CACNA1B: variants seen among roughly 807,000 people sequenced by gnomAD.
CACNA1B encodes calcium voltage-gated channel subunit alpha1 B, also known as voltage-dependent N-type calcium channel subunit alpha-1B.
In CACNA1B, 70 loss-of-function variants were observed where a neutral mutation model predicts 247.2. The ratio of observed to expected loss-of-function variants is 0.28; its 90% confidence interval spans 0.23 to 0.35. The LOEUF (loss-of-function observed/expected upper bound fraction) is 0.35, where lower values mean the gene tolerates loss of function less well. CACNA1B is among the 10% of genes least tolerant of loss of function. The pLI, the probability that CACNA1B is intolerant of heterozygous loss-of-function variation, is 1.00. For missense variants in CACNA1B, 2,367 were observed against 3,197.4 expected (o/e 0.74, Z 6.26); for synonymous variants, 1,231 against 1,294.4 (o/e 0.95, Z 1.05).
intron 20 of CACNA1B, among the ~76,000 whole-genome samples, chr9:138,029,609 CTT>C (rs11320503): frequency 0.026 from 2,995 of 115,806 alleles, 91 homozygotes; most frequent in African/African-American, 0.085. Flanking sequence ...TTTTCTTTTC[CTT>C]TTTTTTTTTT....
At chr9:138,021,885 G>A (rs2133435563) in intron 18 of CACNA1B, among the ~76,000 whole-genome samples, 1 of 152,344 alleles carries the variant, frequency 6.6e-6, no homozygotes, top group South Asian at 2.1e-4. Context: ...TGCCGCCAAG[G>A]CCATCCAGCA....
Position 138,051,475 on chromosome 9 carries a change from C to T in CACNA1B, c.3711-617C>T, listed in dbSNP as rs1402662985. 6.8e-6 allele frequency among the ~76,000 whole-genome samples: 1 copy of T among 147,124 alleles called. No homozygotes were observed. Among genetic ancestry groups the T allele is most frequent in the Non-Finnish European group, 1.5e-5 (1 of 66,818 alleles). ...GCTCTCCCTCCCTCCCTCCCTCCCTCCTTCCCTCCCTCTCCCCTTGTTTGT... is the reference window on the plus strand; with the variant it reads ...GCTCTCCCTCCCTCCCTCCCTCCCTTCTTCCCTCCCTCTCCCCTTGTTTGT... On this transcript the variant is annotated intron_variant, in intron 24 of 46. Coordinates refer to ENST00000371372, the MANE Select transcript of CACNA1B (RefSeq NM_000718.4). The surrounding 1 kb of genome is among the most constrained non-coding windows in gnomAD (Gnocchi z 4.3).
intron 21 of CACNA1B, 142 bp from the exon 22 acceptor site, chr9:138,046,762 C>T (rs1959189046): frequency 1.4e-6 from 1 of 738,376 alleles, no homozygotes; most frequent in Non-Finnish European, 2.2e-6. Context: ...CCACAGGGAC[C>T]ATTAGCAAAG....
At chr9:138,105,314 A>G (rs891909556) in intron 38 of CACNA1B, among the ~76,000 whole-genome samples, 1 of 152,174 alleles carries the variant, frequency 6.6e-6, no homozygotes, top group African/African-American at 2.4e-5. Context: ...TGGGCAGAGC[A>G]ATGAGCACAG....
chr9:138,082,836 C>A (rs897227470), intron 36 of CACNA1B, among the ~76,000 whole-genome samples: 1 of 150,996 alleles, frequency 6.6e-6, no homozygotes, highest in Non-Finnish European at 1.5e-5. Flanking sequence ...GAGGGAGAGT[C>A]TCGGAGTACA....
At position 137,899,979 on chromosome 9, in the gene CACNA1B, A is replaced by G. The variant is rs1957214246; in HGVS notation, c.531-13201A>G. Among the ~76,000 whole-genome samples the G allele has an allele frequency of 6.6e-6, 1 of 152,168 alleles. No homozygotes were observed. The highest frequency in any genetic ancestry group is 1.5e-5 in the Non-Finnish European group (1 of 68,016). On this transcript the variant is annotated intron_variant, in intron 3 of 46. Coordinates refer to ENST00000371372, the MANE Select transcript of CACNA1B (RefSeq NM_000718.4). The surrounding 1 kb of genome is among the most constrained non-coding windows in gnomAD (Gnocchi z 5.0). ...GGGCTGGCCAGCGTGGGCCAGATGC[A>G]TGGGGACAAGGGAGCATCCATAGTT...
In CACNA1B at chr9:137,882,230, C is replaced by T. The variant is rs1956933084; in HGVS notation, c.391-514C>T. 6.6e-6 allele frequency among the ~76,000 whole-genome samples: 1 copy of T among 152,224 alleles called. No homozygotes were observed. The highest frequency in any genetic ancestry group is 6.5e-5 in the Admixed American group (1 of 15,286). On this transcript the variant is annotated intron_variant, in intron 2 of 46. Coordinates refer to ENST00000371372, the MANE Select transcript of CACNA1B (RefSeq NM_000718.4). The surrounding 1 kb of genome is among the most constrained non-coding windows in gnomAD (Gnocchi z 4.0). Reference sequence around the variant, plus strand: ...CCTTGTGCAGGTTCCCACCCAGAGGCTGCTGTGGCCTCTGCCTGGCTCCTG... The same window carrying T: ...CCTTGTGCAGGTTCCCACCCAGAGGTTGCTGTGGCCTCTGCCTGGCTCCTG...
chr9:138,096,894 T>G (rs570232919), intron 37 of CACNA1B, among the ~76,000 whole-genome samples: 2 of 150,562 alleles, frequency 1.3e-5, no homozygotes, highest in East Asian at 3.9e-4. Context: ...CCAGGAGTCA[T>G]GGAAGGTTTT....
chr9:138,056,696 T>C (rs7864329), intron 26 of CACNA1B, among the ~76,000 whole-genome samples: 31,403 of 152,178 alleles, frequency 0.21, 9,479 homozygotes, highest in African/African-American at 0.67. Flanking sequence ...CAGCAATGCA[T>C]GAGGGTTCTG....
chr9:138,046,865 G>C (rs769095312), intron 21 of CACNA1B, 39 bp from the exon 22 acceptor site: 6 of 1,597,170 alleles, frequency 3.8e-6, no homozygotes, highest in Non-Finnish European at 4.3e-6. Flanking sequence ...GGCGCGCCCG[G>C]CTGGGGGGCC....
intron 38 of CACNA1B, 151 bp from the exon 39 acceptor site, chr9:138,105,548 C>T: frequency 5.1e-6 from 3 of 589,370 alleles, no homozygotes; most frequent in Non-Finnish European, 6.2e-6. Context: ...TGGCAAAACT[C>T]CCACCCGCCC....
At chr9:138,017,120 C>T (rs1454597557) in intron 18 of CACNA1B, 1 of 518,952 alleles carries the variant, frequency 1.9e-6, no homozygotes, top group East Asian at 5.4e-5. Context: ...TCTGTCTGTT[C>T]TGTTTTTTGC....
At chr9:137,984,881 G>T (rs1228410519) in intron 13 of CACNA1B, among the ~76,000 whole-genome samples, 1 of 152,264 alleles carries the variant, frequency 6.6e-6, no homozygotes, top group Non-Finnish European at 1.5e-5. Flanking sequence ...TGCAGGTAGT[G>T]AGAGAAGGAC....
intron 6 of CACNA1B, among the ~76,000 whole-genome samples, chr9:137,944,543 G>A (rs1351870672): frequency 1.3e-5 from 2 of 152,066 alleles, no homozygotes; most frequent in Non-Finnish European, 2.9e-5. Context: ...GCTTCCTGGC[G>A]GGCAGCCTCA....
chr9:138,106,873 G>A (rs1961446070), intron 39 of CACNA1B, among the ~76,000 whole-genome samples: 1 of 152,156 alleles, frequency 6.6e-6, no homozygotes, highest in Non-Finnish European at 1.5e-5. Context: ...CATGCTGGGG[G>A]CTCTTCCCAG....
chr9:138,001,319 C>G (rs1371832776), intron 15 of CACNA1B, among the ~76,000 whole-genome samples: 1 of 86,734 alleles, frequency 1.2e-5, no homozygotes, highest in African/African-American at 1.0e-4. Flanking sequence ...ACCCTACAAC[C>G]AGGATGGGTG....
At chr9:137,995,537 G>A (rs1403059292) in intron 15 of CACNA1B, among the ~76,000 whole-genome samples, 1 of 152,192 alleles carries the variant, frequency 6.6e-6, no homozygotes, top group East Asian at 1.9e-4. Flanking sequence ...ATCAACTCAA[G>A]ATGGTCAAAG....
In CACNA1B at chr9:137,933,369, G is replaced by T. The variant is rs892776055; in HGVS notation, c.966+15938G>T. On this transcript the variant is annotated intron_variant, in intron 6 of 46. Coordinates refer to ENST00000371372, the MANE Select transcript of CACNA1B (RefSeq NM_000718.4). Reference sequence around the variant, plus strand: ...TCCGGCACATTGATGACTTTTCAAGGTTCCAAGGACCGGACCAGAATTTTC... The same window carrying T: ...TCCGGCACATTGATGACTTTTCAAGTTTCCAAGGACCGGACCAGAATTTTC... Among the ~76,000 whole-genome samples, 12 of 152,256 alleles carry T rather than the reference G, an allele frequency of 7.9e-5. No homozygotes were observed. The South Asian group carries it at 1.5e-3, about 18-fold the overall frequency.
chr9:138,110,415 A>G (rs1167338467), intron 39 of CACNA1B, among the ~76,000 whole-genome samples: 1 of 152,002 alleles, frequency 6.6e-6, no homozygotes, highest in African/African-American at 2.4e-5. Context: ...GTGCCCCACC[A>G]CAAAAGATAT....
Sources: allele counts gnomAD v4.1 joint callset (sites outside exome capture counted in the v4.1 genomes callset), GRCh38; gene constraint gnomAD v4.1.1; non-coding constraint Gnocchi (gnomAD v3.1); transcripts MANE v1.5; gene names NCBI Gene and HGNC (gene_info 2026-07-23, HGNC 2026-07-21).